SUGCT: variants seen among roughly 807,000 people sequenced by gnomAD.
SUGCT encodes the protein succinyl-CoA:glutarate CoA-transferase.
Under a neutral mutation model 55.0 loss-of-function variants are expected in SUGCT, and 41 were observed. The ratio of observed to expected loss-of-function variants is 0.74; its 90% CI spans 0.58 to 0.97. The LOEUF (loss-of-function observed/expected upper bound fraction) is 0.97, where lower values mean the gene tolerates loss of function less well. SUGCT is among the 50% of genes least tolerant of loss of function. SUGCT has a pLI of 0.00. For synonymous variants in SUGCT, 187 were observed against 200.4 expected (o/e 0.93, Z 0.56); for missense variants, 568 against 547.8 (o/e 1.04, Z -0.37).
At chr7:40,394,925 A>G (rs1012417320) in intron 9 of SUGCT, among the ~76,000 whole-genome samples, 15 of 152,222 alleles carry the variant, frequency 9.9e-5, no homozygotes, top group Admixed American at 6.5e-4. Context: ...CATTTTCTTT[A>G]TGGACACTTA....
chr7:40,812,561 A>T (rs1791478304), intron 13 of SUGCT, among the ~76,000 whole-genome samples: 1 of 152,100 alleles, frequency 6.6e-6, no homozygotes, highest in Non-Finnish European at 1.5e-5. Flanking sequence ...CTATGAGATC[A>T]GTTGTAATGT....
chr7:40,569,542 C>T lies in SUGCT; in HGVS notation c.1089+73156C>T, dbSNP rs78912834. Among the ~76,000 whole-genome samples the T allele has an allele frequency of 3.0e-3, 456 of 152,298 alleles. 6 individuals carry two copies. Among genetic ancestry groups the T allele is most frequent in the East Asian group, 0.03 (153 of 5,166 alleles). ...TTGGTAGCTCTTAAGGGTGTCAGAG[C>T]TCGATGTTTCCCATTCCAGGTTGAA... On this transcript the variant is annotated intron_variant, in intron 12 of 13. Transcript: ENST00000335693.
intron 12 of SUGCT, among the ~76,000 whole-genome samples, chr7:40,599,965 A>G (rs945589778): frequency 1.3e-5 from 2 of 152,158 alleles, no homozygotes; most frequent in African/African-American, 2.4e-5. Flanking sequence ...AGGAGGCTGC[A>G]CCAGGTCACA....
At chr7:40,137,068 G>A (rs1787736376) in intron 1 of SUGCT, among the ~76,000 whole-genome samples, 1 of 152,010 alleles carries the variant, frequency 6.6e-6, no homozygotes, top group Non-Finnish European at 1.5e-5. Flanking sequence ...TAGATCATCA[G>A]CCAGTCTACT....
chr7:40,672,973 C>T (rs1802016869), intron 12 of SUGCT, among the ~76,000 whole-genome samples: 1 of 152,114 alleles, frequency 6.6e-6, no homozygotes. Flanking sequence ...GGCGATCTTC[C>T]CTCATCCCAG....
intron 12 of SUGCT, among the ~76,000 whole-genome samples, chr7:40,672,056 A>C (rs946572295): frequency 6.6e-6 from 1 of 152,238 alleles, no homozygotes; most frequent in Admixed American, 6.5e-5. Flanking sequence ...GATTTTTGAC[A>C]AAGGTGCAAA....
chr7:40,657,445 G>A (rs1477828377), intron 12 of SUGCT, among the ~76,000 whole-genome samples: 2 of 152,172 alleles, frequency 1.3e-5, no homozygotes, highest in Middle Eastern at 3.4e-3. Flanking sequence ...CTTTCAGAAC[G>A]CATATACTGT....
At chr7:40,925,957 G>T in the SUGCT span, among the ~76,000 whole-genome samples, 413 of 152,216 alleles carry the variant, frequency 2.7e-3, 1 homozygote, top group African/African-American at 9.5e-3. Context: ...ATCCAGGCAT[G>T]GTGGCACATG....
intron 13 of SUGCT, among the ~76,000 whole-genome samples, chr7:40,838,592 C>A (rs1004450181): frequency 1.3e-5 from 2 of 151,956 alleles, no homozygotes; most frequent in African/African-American, 4.8e-5. Context: ...CTTTTTGCGT[C>A]TTTTATCTTG....
At chr7:40,827,215 G>A (rs1323042361) in intron 13 of SUGCT, among the ~76,000 whole-genome samples, 1 of 152,160 alleles carries the variant, frequency 6.6e-6, no homozygotes, top group Non-Finnish European at 1.5e-5. Flanking sequence ...AACTCAGACC[G>A]CTGGGTCAAA....
At chr7:40,554,237 AC>A (rs1795447204) in intron 12 of SUGCT, among the ~76,000 whole-genome samples, 2 of 152,312 alleles carry the variant, frequency 1.3e-5, no homozygotes, top group Non-Finnish European at 1.5e-5. Flanking sequence ...GCAGATGATA[AC>A]TTTTTTTGAT....
chr7:40,740,575 A>AT (rs1282970828), intron 12 of SUGCT, among the ~76,000 whole-genome samples: 9 of 149,162 alleles, frequency 6.0e-5, no homozygotes, highest in African/African-American at 2.2e-4. Flanking sequence ...TTTTATTATT[A>AT]TTTTTTTCCT....
At chr7:41,020,820 A>C in the SUGCT span, among the ~76,000 whole-genome samples, 1 of 152,226 alleles carries the variant, frequency 6.6e-6, no homozygotes, top group African/African-American at 2.4e-5. Flanking sequence ...TCTCAGGGGA[A>C]AAATGAATCA....
At chr7:40,587,112 C>G (rs1797420951) in intron 12 of SUGCT, among the ~76,000 whole-genome samples, 1 of 152,118 alleles carries the variant, frequency 6.6e-6, no homozygotes, top group African/African-American at 2.4e-5. Flanking sequence ...AGAAAACAGG[C>G]TCAGGAGTTG....
At chr7:40,185,379 C>T (rs1346205595) in intron 3 of SUGCT, among the ~76,000 whole-genome samples, 1 of 152,076 alleles carries the variant, frequency 6.6e-6, no homozygotes, top group Non-Finnish European at 1.5e-5. Flanking sequence ...TTGTTGTTCC[C>T]TATATAGTGA....
chr7:40,714,355 C>A (rs982069627), intron 12 of SUGCT, among the ~76,000 whole-genome samples: 6 of 151,864 alleles, frequency 4.0e-5, no homozygotes, highest in Non-Finnish European at 8.8e-5. Flanking sequence ...GAAAACAAAT[C>A]AAAAAAATAG....
At chr7:40,150,680 A>G (rs1297114157) in intron 1 of SUGCT, among the ~76,000 whole-genome samples, 1 of 152,066 alleles carries the variant, frequency 6.6e-6, no homozygotes, top group Non-Finnish European at 1.5e-5. Flanking sequence ...CAACAAAACA[A>G]AACAAAACAA....
At chr7:40,534,600 G>T (rs147195415) in intron 12 of SUGCT, among the ~76,000 whole-genome samples, 2,744 of 152,198 alleles carry the variant, frequency 0.018, 85 homozygotes, top group African/African-American at 0.061. Context: ...TGTATTTTTA[G>T]TAGAGACGGG....
chr7:40,982,472 T>C, the SUGCT span, among the ~76,000 whole-genome samples: 1 of 152,178 alleles, frequency 6.6e-6, no homozygotes, highest in Non-Finnish European at 1.5e-5. Context: ...GCTGTCATAA[T>C]GAAATACCCT....
Sources: allele counts gnomAD v4.1 joint callset (sites outside exome capture counted in the v4.1 genomes callset), GRCh38; gene constraint gnomAD v4.1.1; transcripts MANE v1.5; gene names NCBI Gene and HGNC (gene_info 2026-07-23, HGNC 2026-07-21).